ROS1: variants seen among roughly 807,000 people sequenced by gnomAD.
ROS1 encodes the protein proto-oncogene tyrosine-protein kinase ROS.
A neutral mutation model predicts 273.5 loss-of-function variants in ROS1; 263 were observed. The ratio of observed to expected loss-of-function variants is 0.96; its 90% CI spans 0.87 to 1.06. ROS1 has a LOEUF of 1.06. ROS1 is among the 50% of genes least tolerant of loss of function. The pLI, the probability that ROS1 is intolerant of heterozygous loss-of-function variation, is 0.00. For missense variants in ROS1, 2,833 were observed against 2,751.1 expected, an observed-to-expected ratio of 1.03 and a Z score of -0.67; for synonymous variants, 1,008 against 954.1, an observed-to-expected ratio of 1.06 and a Z score of -1.04.
intron 31 of ROS1, 53 bp from the exon 32 acceptor site, chr6:117,337,393 A>AGAG: frequency 7.1e-7 from 1 of 1,409,632 alleles, no homozygotes; most frequent in Non-Finnish European, 9.7e-7. Flanking sequence ...AAATATTCTT[A>AGAG]AAACACAAAA....
At chr6:117,341,676 C>G in intron 29 of ROS1, 44 bp from the exon 30 acceptor site, 1 of 1,437,332 alleles carries the variant, frequency 7.0e-7, no homozygotes, top group African/African-American at 1.4e-5. Context: ...TGCAATAGCA[C>G]TGAAAGATGG....
chr6:117,363,599 A>T (rs537299172), intron 21 of ROS1, among the ~76,000 whole-genome samples: 2 of 152,066 alleles, frequency 1.3e-5, no homozygotes, highest in East Asian at 3.9e-4. Context: ...CTATTATTCA[A>T]TCTCCAGGCC....
Position 117,386,919 on chromosome 6 carries a change from A to C in ROS1, c.2080T>G (p.Phe694Val), listed in dbSNP as rs1772628057. The C allele has an allele frequency of 6.2e-7, 1 of 1,608,664 alleles. No homozygotes were observed. The highest frequency in any genetic ancestry group is 8.5e-7 in the Non-Finnish European group (1 of 1,175,876). The change falls in exon 15 of 44, where the codon TTC becomes GTC. Residue 694 changes from phenylalanine to valine, a missense_variant. Coordinates refer to ENST00000368507, the MANE Select transcript of ROS1 (RefSeq NM_001378902.1). The stretch of plus-strand genomic sequence containing the variant: ...ACATTTCCTATATCAGAGGATAAGA[A>C]CTCTCCTGGGCCAAAGCTATTTAAT... ...KPLNSFGPGE[F>V]LSSDIGNVSD...
intron 39 of ROS1, among the ~76,000 whole-genome samples, chr6:117,316,826 A>G (rs185165445): frequency 3.9e-5 from 6 of 152,248 alleles, no homozygotes; most frequent in Admixed American, 2.0e-4. Context: ...ACAGACAGGC[A>G]TATAGATTAA....
At chr6:117,365,967 C>A in intron 19 of ROS1, 109 bp downstream of exon 19, 1 of 993,088 alleles carries the variant, frequency 1.0e-6, no homozygotes. Flanking sequence ...ATTACTGAAA[C>A]CTTACTCCTC....
intron 43 of ROS1, among the ~76,000 whole-genome samples, chr6:117,291,271 T>A (rs557593999): frequency 1.3e-5 from 2 of 152,346 alleles, no homozygotes; most frequent in East Asian, 3.8e-4. Flanking sequence ...AGTTTGATGA[T>A]ATTCCCTGTT....
At chr6:117,321,426 A>G in intron 35 of ROS1, 32 bp from the exon 36 acceptor site, 1 of 1,548,950 alleles carries the variant, frequency 6.5e-7, no homozygotes, top group South Asian at 1.2e-5. Flanking sequence ...AATTTACAAA[A>G]TAAAATATTG....
chr6:117,359,138 A>G (rs1779570067), intron 24 of ROS1, among the ~76,000 whole-genome samples: 1 of 152,004 alleles, frequency 6.6e-6, no homozygotes, highest in African/African-American at 2.4e-5. Flanking sequence ...GTACCCCCTC[A>G]GCCTTCACCT....
chr6:117,324,387 GA>G lies in ROS1; in HGVS notation c.5567del (p.Phe1856SerfsTer6). 6.6e-7 allele frequency: 1 copy of G among 1,508,826 alleles called. No homozygotes were observed. Among genetic ancestry groups the G allele is most frequent in the South Asian group, 1.2e-5 (1 of 85,300 alleles). The allele number at this position is 1,508,826 out of a possible 1,614,324, so 93.5% of individuals were successfully genotyped here. On this transcript the variant is annotated frameshift_variant, in exon 35 of 44. Transcript: ENST00000368507. LOFTEE classifies it high-confidence loss of function. ...ATATTCCAACTATAATAGTAAGTATGAAACTTGTTTCTGGTATCCAAAAATC... is the reference window on the plus strand; with the variant it reads ...ATATTCCAACTATAATAGTAAGTATGAACTTGTTTCTGGTATCCAAAAATC... ...GDDFWIPETS[F>X]ILTIIVGIFL...
chr6:117,395,915 T>C (rs998022933), intron 9 of ROS1, among the ~76,000 whole-genome samples: 1 of 152,194 alleles, frequency 6.6e-6, no homozygotes. Flanking sequence ...TGATTTCAAC[T>C]GAAACCAAAG....
chr6:117,358,081 A>C (rs978805712), intron 24 of ROS1, 72 bp from the exon 25 acceptor site: 7 of 1,006,160 alleles, frequency 7.0e-6, no homozygotes, highest in Non-Finnish European at 1.0e-5. Flanking sequence ...TTCTATATTC[A>C]CCCATATCAT....
Position 117,358,004 on chromosome 6 carries a change from G to A in ROS1, c.3639C>T (p.Phe1213=), listed in dbSNP as rs770441235. The A allele has an allele frequency of 6.2e-7, 1 of 1,611,336 alleles. No individual in the cohort carries two copies. Among genetic ancestry groups the A allele is most frequent in the South Asian group, 1.1e-5 (1 of 90,870 alleles). Residue 1213 remains phenylalanine, a synonymous_variant, in exon 25 of 44, where the codon TTC becomes TTT. Coordinates refer to ENST00000368507, the MANE Select transcript of ROS1 (RefSeq NM_001378902.1). ...TGATATCAAAAACCAGTGAATCTTG[G>A]AAAAGCTTAACAACAGGTAGAGAAC... is the stretch of plus-strand genomic sequence containing the variant. ...HLHNRSSSEL[F]QDSLVFDITV...
At chr6:117,372,660 C>T (rs947647004) in intron 18 of ROS1, among the ~76,000 whole-genome samples, 8 of 152,048 alleles carry the variant, frequency 5.3e-5, no homozygotes, top group East Asian at 3.9e-4. Context: ...CTTAAGGTGG[C>T]GCATCTGGAG....
chr6:117,423,379 T>G (rs1239763540), intron 1 of ROS1, among the ~76,000 whole-genome samples: 1 of 152,200 alleles, frequency 6.6e-6, no homozygotes, highest in African/African-American at 2.4e-5. Flanking sequence ...CATGTTATTG[T>G]GCCCTGTGAA....
chr6:117,370,575 T>C (rs998721700), intron 18 of ROS1, among the ~76,000 whole-genome samples: 1 of 152,184 alleles, frequency 6.6e-6, no homozygotes, highest in Admixed American at 6.5e-5. Flanking sequence ...TTTTAAATTA[T>C]TGGATATTTA....
Position 117,356,689 on chromosome 6 carries a change from A to T in ROS1, c.4066T>A (p.Trp1356Arg), listed in dbSNP as rs1361880790. Residue 1356 changes from tryptophan to arginine, a missense_variant, in exon 26 of 44, where the codon TGG (tryptophan) becomes AGG (arginine). Transcript: ENST00000368507. ...TGACAGCCTTCCAGATCCATTGCCC[A>T]GATCTCTTGTGCTTTGGCAAAGTAT... ...LIYFAKAQEI[W>R]AMDLEGCQCW... 6.2e-7 allele frequency: 1 copy of T among 1,614,190 alleles called. No individual in the cohort carries two copies. The highest frequency in any genetic ancestry group is 2.2e-5 in the East Asian group (1 of 44,886).
intron 25 of ROS1, 132 bp from the exon 26 acceptor site, chr6:117,357,047 A>G (rs914840115): frequency 3.4e-5 from 24 of 714,864 alleles, no homozygotes; most frequent in Non-Finnish European, 4.1e-5. Flanking sequence ...AACATGGTCA[A>G]GTTTTCAATA....
At position 117,365,178 on chromosome 6, in the gene ROS1, T is replaced by A. The variant is rs1368425429; in HGVS notation, c.2985A>T (p.Leu995Phe). The A allele has an allele frequency of 2.8e-5, 45 of 1,609,232 alleles. No homozygotes were observed. The Admixed American group carries it at 7.6e-4, about 27-fold the overall frequency. The change falls in exon 21 of 44, where the codon TTA (leucine) becomes TTT (phenylalanine). Residue 995 changes from leucine (L) to phenylalanine (F), a missense_variant. Coordinates refer to ENST00000368507, the MANE Select transcript of ROS1 (RefSeq NM_001378902.1). Reference protein sequence around the residue: ...SKFLASEQHSLPVFTVEGLEP... With the variant: ...SKFLASEQHSFPVFTVEGLEP... ...CCAGTCCTTCCACAGTAAATACAGG[T>A]AAAGAGTGTTGTTCACTAGCCAAGA...
intron 24 of ROS1, 23 bp downstream of exon 24, chr6:117,359,786 G>A (rs567152510): frequency 5.7e-5 from 91 of 1,592,778 alleles, no homozygotes; most frequent in Admixed American, 2.7e-4. Context: ...CCTTTATTTC[G>A]GAAGAATTAC....
Sources: gnomAD v4.1 joint callset for allele counts (sites outside exome capture counted in the v4.1 genomes callset) on GRCh38, gnomAD v4.1.1 for gene constraint, MANE v1.5 for transcripts, NCBI Gene and HGNC (gene_info 2026-07-23, HGNC 2026-07-21) for gene names.